VCF1: variants seen among roughly 807,000 people sequenced by gnomAD.
The protein encoded by VCF1 is VCP nuclear cofactor family member 1.
chr17:73,218,564 A>G, the VCF1 span, among the ~76,000 whole-genome samples: 3 of 152,226 alleles, frequency 2.0e-5, no homozygotes, highest in Admixed American at 2.0e-4. Flanking sequence ...TTCAGTACTT[A>G]ATAACAGATT....
chr17:73,228,153 C>T, the VCF1 span, among the ~76,000 whole-genome samples: 1 of 152,212 alleles, frequency 6.6e-6, no homozygotes, highest in Non-Finnish European at 1.5e-5. Flanking sequence ...CTGCACTGAC[C>T]AGCACAGATA....
At chr17:73,224,885 C>CACAGG in the VCF1 span, among the ~76,000 whole-genome samples, 1,931 of 125,188 alleles carry the variant, frequency 0.015, 120 homozygotes, top group African/African-American at 0.047. Flanking sequence ...GACAGCACAG[C>CACAGG]ACAGGACAGG....
the VCF1 span, among the ~76,000 whole-genome samples, chr17:73,216,642 G>A: frequency 6.6e-6 from 1 of 152,176 alleles, no homozygotes; most frequent in Non-Finnish European, 1.5e-5. Context: ...AAGCTTTCAG[G>A]AGTCTTGAGA....
chr17:73,223,698 C>T, the VCF1 span, among the ~76,000 whole-genome samples: 1 of 151,768 alleles, frequency 6.6e-6, no homozygotes, highest in Non-Finnish European at 1.5e-5. Context: ...AATTCTTAAA[C>T]AGCCAGGTTA....
At chr17:73,219,081 C>A in the VCF1 span, among the ~76,000 whole-genome samples, 3 of 150,156 alleles carry the variant, frequency 2.0e-5, no homozygotes, top group Admixed American at 1.3e-4. Context: ...ATCCCAGCTA[C>A]TCGGAAGGCT....
At chr17:73,218,756 A>G in the VCF1 span, among the ~76,000 whole-genome samples, 228 of 152,220 alleles carry the variant, frequency 1.5e-3, 4 homozygotes, top group Non-Finnish European at 8.4e-4. Flanking sequence ...GCAGTGGCTC[A>G]CGCCTGTAAT....
At chr17:73,230,139 A>T in the VCF1 span, among the ~76,000 whole-genome samples, 1 of 152,022 alleles carries the variant, frequency 6.6e-6, no homozygotes, top group Non-Finnish European at 1.5e-5. Context: ...TCTACCAAAA[A>T]TACACAGATT....
chr17:73,232,153 A>G, the VCF1 span: 5 of 1,608,668 alleles, frequency 3.1e-6, no homozygotes, highest in Non-Finnish European at 4.2e-6. Flanking sequence ...CCGCGAAGAG[A>G]GGGAACAGAG....
At chr17:73,215,664 C>G in the VCF1 span, among the ~76,000 whole-genome samples, 5 of 152,200 alleles carry the variant, frequency 3.3e-5, no homozygotes, top group Non-Finnish European at 7.3e-5. Flanking sequence ...CATCCAACCA[C>G]TGGGCAAAGA....
the VCF1 span, chr17:73,208,899 T>C: frequency 3.5e-6 from 1 of 288,676 alleles, no homozygotes; most frequent in East Asian, 9.4e-5. Context: ...ACATTCTCTC[T>C]GGAAATACAA....
the VCF1 span, chr17:73,227,708 C>G: frequency 6.2e-5 from 61 of 979,406 alleles, no homozygotes; most frequent in Non-Finnish European, 7.4e-5. Flanking sequence ...CCCTGAAAAC[C>G]CTTATAAAAG....
the VCF1 span, among the ~76,000 whole-genome samples, chr17:73,229,909 G>C: frequency 9.3e-5 from 13 of 140,102 alleles, no homozygotes; most frequent in South Asian, 2.3e-4. Flanking sequence ...ATGGAAACTA[G>C]TGGTTTTCAA....
At chr17:73,213,245 G>GAA in the VCF1 span, among the ~76,000 whole-genome samples, 34 of 145,552 alleles carry the variant, frequency 2.3e-4, no homozygotes, top group Admixed American at 2.7e-4. Flanking sequence ...TGTCTCAAAA[G>GAA]AAAAAAAAAA....
chr17:73,229,635 G>A, the VCF1 span: 50 of 945,908 alleles, frequency 5.3e-5, no homozygotes, highest in Admixed American at 1.2e-3. Flanking sequence ...GGAGGCTGAG[G>A]CAGGCAGATC....
chr17:73,232,199 T>C, the VCF1 span: 2 of 1,610,048 alleles, frequency 1.2e-6, no homozygotes, highest in Non-Finnish European at 1.7e-6. Flanking sequence ...GCCCACCCCC[T>C]CGGGCCTTGG....
the VCF1 span, among the ~76,000 whole-genome samples, chr17:73,230,370 G>T: frequency 1.3e-5 from 2 of 151,690 alleles, no homozygotes; most frequent in African/African-American, 4.8e-5. Context: ...ACCTCTCTGC[G>T]GCTATCCAAT....
At chr17:73,209,856 G>T in the VCF1 span, 6 of 1,502,506 alleles carry the variant, frequency 4.0e-6, no homozygotes, top group Admixed American at 4.1e-5. Context: ...GCTCTATTAA[G>T]AGTACCTTTC....
chr17:73,221,556 T>C, the VCF1 span, among the ~76,000 whole-genome samples: 74 of 152,302 alleles, frequency 4.9e-4, 2 homozygotes, highest in African/African-American at 1.5e-3. Context: ...CTGAGATAGA[T>C]GTTAACTAAT....
the VCF1 span, among the ~76,000 whole-genome samples, chr17:73,217,033 T>G: frequency 6.6e-6 from 1 of 152,216 alleles, no homozygotes; most frequent in Non-Finnish European, 1.5e-5. Context: ...TTTCTCTTCT[T>G]AATTTGAAAA....
Sources: gnomAD v4.1 joint callset for allele counts (sites outside exome capture counted in the v4.1 genomes callset) on GRCh38, gnomAD v4.1.1 for gene constraint, MANE v1.5 for transcripts, NCBI Gene and HGNC (gene_info 2026-07-23, HGNC 2026-07-21) for gene names.